CYB5D2: variants seen among roughly 807,000 people sequenced by gnomAD.
CYB5D2 encodes cytochrome b5 domain containing 2.
Under a neutral mutation model 22.8 loss-of-function variants are expected in CYB5D2, and 23 were observed. The ratio of observed to expected loss-of-function variants is 1.01; its 90% CI spans 0.73 to 1.43. CYB5D2 has a LOEUF of 1.43. Among genes scored for constraint, CYB5D2 ranks in the 40% most tolerant of loss-of-function variants. The pLI is 0.00. For synonymous variants in CYB5D2, 170 were observed against 152.2 expected, an observed-to-expected ratio of 1.12 and a Z score of -0.86; for missense variants, 373 against 357.2, an observed-to-expected ratio of 1.04 and a Z score of -0.36.
intron 3 of CYB5D2, 58 bp downstream of exon 3, chr17:4,154,918 TC>T: frequency 6.5e-7 from 1 of 1,529,434 alleles, no homozygotes; most frequent in Non-Finnish European, 8.9e-7. Context: ...TCCTAGGCCA[TC>T]CTGCCTGCAG....
rs753798682 is a variant in CYB5D2, at chr17:4,156,854, G to T, written c.579-12G>T. 6.2e-7 allele frequency: 1 copy of T among 1,612,220 alleles called. No individual in the cohort carries two copies. The highest frequency in any genetic ancestry group is 1.3e-5 in the African/African-American group (1 of 74,856). On this transcript the variant is annotated splice_polypyrimidine_tract_variant and intron_variant, in intron 3 of 3. Coordinates refer to ENST00000301391, the MANE Select transcript of CYB5D2 (RefSeq NM_144611.4). The stretch of plus-strand genomic sequence containing the variant: ...CTCACATTTAAGAAGTCCTCTTTCC[G>T]TCTATCCTTAGTGGAGGTGTGAGCA...
intron 1 of CYB5D2, among the ~76,000 whole-genome samples, chr17:4,146,706 T>A (rs1194362383): frequency 2.0e-5 from 3 of 151,562 alleles, no homozygotes; most frequent in South Asian, 2.1e-4. Flanking sequence ...GTTTTTTTTT[T>A]TAGTATAGCC....
intron 1 of CYB5D2, among the ~76,000 whole-genome samples, chr17:4,145,743 T>C (rs2058982994): frequency 6.6e-6 from 1 of 152,212 alleles, no homozygotes; most frequent in Non-Finnish European, 1.5e-5. Context: ...GTATTTTATT[T>C]CTCATTGAGA....
intron 3 of CYB5D2, among the ~76,000 whole-genome samples, chr17:4,155,683 G>A (rs1368610952): frequency 6.6e-6 from 1 of 152,158 alleles, no homozygotes; most frequent in Non-Finnish European, 1.5e-5. Flanking sequence ...AATGCAGGTA[G>A]CCTCAGAGAG....
intron 2 of CYB5D2, among the ~76,000 whole-genome samples, chr17:4,151,910 G>A (rs1409859865): frequency 6.6e-6 from 1 of 151,634 alleles, no homozygotes; most frequent in Non-Finnish European, 1.5e-5. Context: ...GGAGGCTGAA[G>A]CATGAGAATC....
chr17:4,156,478 G>A (rs2059113725), intron 3 of CYB5D2, among the ~76,000 whole-genome samples: 1 of 152,272 alleles, frequency 6.6e-6, no homozygotes, highest in Non-Finnish European at 1.5e-5. Flanking sequence ...GTTGTAGTGG[G>A]GAAGGAAGAG....
In CYB5D2 at chr17:4,157,442, G is replaced by A. The variant is rs560463906; in HGVS notation, c.*360G>A. On this transcript the variant is annotated 3_prime_UTR_variant, in exon 4 of 4. Transcript: ENST00000301391. The surrounding 1 kb of genome is among the most constrained non-coding windows in gnomAD (Gnocchi z 4.4). ...GATTACAGCTGGGCCAATACAGTAC[G>A]AGGCAATAACAAATTAGTGTGGGTT... 5.0e-5 allele frequency: 15 copies of A among 301,542 alleles called. No individual in the cohort carries two copies. The East Asian group carries it at 1.1e-3, about 22-fold the overall frequency. 18.7% of individuals were successfully genotyped at this position (301,542 alleles called of 1,614,324 possible). A position where few individuals can be genotyped will look rare whatever the true frequency, so the allele number is the denominator to read the frequency against.
At chr17:4,147,320 T>G (rs2059003324) in intron 1 of CYB5D2, among the ~76,000 whole-genome samples, 1 of 152,182 alleles carries the variant, frequency 6.6e-6, no homozygotes, top group Admixed American at 6.5e-5. Context: ...TACTGGGAAT[T>G]TACTAAAGAT....
In CYB5D2 at chr17:4,156,943, GT is replaced by G. The variant is rs1238062880; in HGVS notation, c.657del (p.Cys219TrpfsTer2). On this transcript the variant is annotated frameshift_variant, in exon 4 of 4. Coordinates refer to ENST00000301391, the MANE Select transcript of CYB5D2 (RefSeq NM_144611.4). LOFTEE classifies it low-confidence loss of function (END_TRUNC). ...KPGAKEPRCV[C>X]VRTTGPPSGQ... ...GGTGCTAAGGAGCCCCGCTGCGTGT[GT>G]GTGAGAACCACCGGCCCCCCTAGTG... 3 of 1,612,772 alleles carry G rather than the reference GT, an allele frequency of 1.9e-6. No individual in the cohort carries two copies. Among genetic ancestry groups the G allele is most frequent in the Non-Finnish European group, 1.7e-6 (2 of 1,180,030 alleles).
At chr17:4,149,098 C>T (rs187644249) in intron 1 of CYB5D2, among the ~76,000 whole-genome samples, 125 of 152,258 alleles carry the variant, frequency 8.2e-4, no homozygotes, top group Admixed American at 3.7e-3. Flanking sequence ...TTAGCCACCA[C>T]GCCCAGCCAG....
intron 1 of CYB5D2, 58 bp downstream of exon 1, chr17:4,144,063 C>T: frequency 6.6e-7 from 1 of 1,524,424 alleles, no homozygotes; most frequent in Non-Finnish European, 8.8e-7. Flanking sequence ...TAGCCACCTG[C>T]GCGTCGTTCG....
At chr17:4,151,104 C>G (rs937409966) in intron 2 of CYB5D2, 1 of 152,198 alleles carries the variant, frequency 6.6e-6, no homozygotes, top group Admixed American at 6.5e-5. Flanking sequence ...TTTCTGAGAA[C>G]CTTGGCATTT....
chr17:4,146,772 G>A (rs2058997277), intron 1 of CYB5D2, among the ~76,000 whole-genome samples: 1 of 151,756 alleles, frequency 6.6e-6, no homozygotes, highest in Non-Finnish European at 1.5e-5. Context: ...ACCCCAGAAA[G>A]AAACTTCTTA....
chr17:4,149,357 G>A (rs1338598131), intron 1 of CYB5D2, among the ~76,000 whole-genome samples: 2 of 152,230 alleles, frequency 1.3e-5, no homozygotes, highest in Non-Finnish European at 2.9e-5. Context: ...GAAGTGGTCA[G>A]CTGTGTTAAA....
chr17:4,149,026 C>T (rs763239677), intron 1 of CYB5D2, among the ~76,000 whole-genome samples: 9 of 151,524 alleles, frequency 5.9e-5, no homozygotes, highest in Non-Finnish European at 1.2e-4. Flanking sequence ...GGTCATAGCT[C>T]AAACCCCTGG....
intron 3 of CYB5D2, among the ~76,000 whole-genome samples, chr17:4,155,900 G>A (rs1249789263): frequency 6.6e-6 from 1 of 152,214 alleles, no homozygotes; most frequent in Admixed American, 6.5e-5. Context: ...AGTGAACTGC[G>A]GGGCCCTATC....
chr17:4,149,850 G>GT (rs2059034871), intron 1 of CYB5D2, 41 bp from the exon 2 acceptor site: 8 of 1,584,532 alleles, frequency 5.0e-6, no homozygotes, highest in Non-Finnish European at 6.9e-6. Context: ...GATGGTGTCA[G>GT]TGGTTTACAC....
In CYB5D2 at chr17:4,154,780, G is replaced by A. The variant is rs143227938; in HGVS notation, c.498G>A (p.Leu166=). The change falls in exon 3 of 4, where the codon CTG becomes CTA. Residue 166 remains leucine, a synonymous_variant. Transcript: ENST00000301391. ...TRGLEANKLQ[L]QEKQTFPPCN... is the part of the protein sequence containing the mutation. ...GCTTGGAGGCCAACAAACTACAGCT[G>A]CAAGAGAAGCAGACATTCCCGCCGT... The A allele has an allele frequency of 5.6e-6, 9 of 1,614,080 alleles. No homozygotes were observed. The highest frequency in any genetic ancestry group is 1.7e-5 in the Admixed American group (1 of 59,994).
chr17:4,150,047 G>A lies in CYB5D2; in HGVS notation c.391+16G>A, dbSNP rs775606148. The A allele has an allele frequency of 6.2e-7, 1 of 1,613,220 alleles. No homozygotes were observed. Among genetic ancestry groups the A allele is most frequent in the African/African-American group, 1.3e-5 (1 of 74,882 alleles). Reference sequence around the variant, plus strand: ...GTGTGTGTTGGTAAGTCGTCCATAGGTCATACATTTCATTTGGTTGTCTGC... The same window carrying A: ...GTGTGTGTTGGTAAGTCGTCCATAGATCATACATTTCATTTGGTTGTCTGC... On this transcript the variant is annotated intron_variant, in intron 2 of 3. Coordinates refer to ENST00000301391, the MANE Select transcript of CYB5D2 (RefSeq NM_144611.4).
Sources: gnomAD v4.1 joint callset for allele counts (sites outside exome capture counted in the v4.1 genomes callset) on GRCh38, gnomAD v4.1.1 for gene constraint, Gnocchi (gnomAD v3.1) non-coding constraint, MANE v1.5 for transcripts, NCBI Gene and HGNC (gene_info 2026-07-23, HGNC 2026-07-21) for gene names.